NFIB: variants seen among roughly 807,000 people sequenced by gnomAD.
NFIB encodes nuclear factor I B, also known as nuclear factor 1 B-type.
A neutral mutation model predicts 61.5 loss-of-function variants in NFIB; 11 were observed. The observed-to-expected ratio is 0.18, with a 90% CI of 0.11 to 0.30. NFIB has a LOEUF of 0.30. NFIB is among the 10% of genes least tolerant of loss of function. The pLI is 1.00. For synonymous variants in NFIB, 260 were observed against 216.5 expected (o/e 1.20, Z -1.76); for missense variants, 471 against 608.9 (o/e 0.77, Z 2.38).
At chr9:14,486,101 G>A in the NFIB span, among the ~76,000 whole-genome samples, 1 of 152,168 alleles carries the variant, frequency 6.6e-6, no homozygotes, top group South Asian at 2.1e-4. Context: ...TGTCTAAATT[G>A]ATATCTTCAA....
chr9:14,406,070 G>T, the NFIB span, among the ~76,000 whole-genome samples: 1 of 152,176 alleles, frequency 6.6e-6, no homozygotes, highest in Non-Finnish European at 1.5e-5. Flanking sequence ...CTAGGAGGGT[G>T]TATTTTCCTT....
intron 1 of NFIB, among the ~76,000 whole-genome samples, chr9:14,379,187 ACT>A (rs1564043756): frequency 1.3e-5 from 2 of 152,004 alleles, no homozygotes; most frequent in African/African-American, 4.8e-5. Context: ...TCCCTTCATG[ACT>A]CTGTTTCTAA....
chr9:14,393,712 G>A (rs1417440574), intron 1 of NFIB, among the ~76,000 whole-genome samples: 2 of 152,092 alleles, frequency 1.3e-5, no homozygotes, highest in Non-Finnish European at 2.9e-5. Flanking sequence ...GAGCACTCCC[G>A]AATAGGCTTT....
the NFIB span, among the ~76,000 whole-genome samples, chr9:14,526,781 G>T: frequency 6.6e-6 from 1 of 152,116 alleles, no homozygotes; most frequent in South Asian, 2.1e-4. Context: ...ATCTCTCTTT[G>T]TTGACTAGTC....
chr9:14,439,802 TAG>T, the NFIB span, among the ~76,000 whole-genome samples: 1 of 152,054 alleles, frequency 6.6e-6, no homozygotes, highest in South Asian at 2.1e-4. Flanking sequence ...GGAAAACAAG[TAG>T]AGAGGCAAAA....
intron 2 of NFIB, among the ~76,000 whole-genome samples, chr9:14,221,480 C>G (rs944781221): frequency 6.6e-6 from 1 of 152,132 alleles, no homozygotes. Flanking sequence ...GTTAGAAAAA[C>G]TGAGGCTCAT....
chr9:14,488,354 C>A, the NFIB span, among the ~76,000 whole-genome samples: 2 of 142,900 alleles, frequency 1.4e-5, no homozygotes, highest in Non-Finnish European at 3.0e-5. Context: ...CAGAGCAAGA[C>A]CTTGTCTCAA....
the NFIB span, among the ~76,000 whole-genome samples, chr9:14,443,371 A>T: frequency 2.0e-5 from 3 of 152,162 alleles, no homozygotes; most frequent in African/African-American, 7.2e-5. Flanking sequence ...CTAATTAGCT[A>T]TCCAGCCTCT....
the NFIB span, among the ~76,000 whole-genome samples, chr9:14,449,569 A>T: frequency 6.6e-6 from 1 of 152,218 alleles, no homozygotes; most frequent in Admixed American, 6.5e-5. Flanking sequence ...ATTTGTTGAA[A>T]TGCATCATTT....
At chr9:14,158,855 C>A (rs62532512) in intron 3 of NFIB, among the ~76,000 whole-genome samples, 61,110 of 152,090 alleles carry the variant, frequency 0.4, 15,106 homozygotes, top group Non-Finnish European at 0.54. Context: ...TACAAAGTAA[C>A]AACCAAAGAA....
chr9:14,295,614 C>G (rs1215088140), intron 2 of NFIB, among the ~76,000 whole-genome samples: 9 of 148,982 alleles, frequency 6.0e-5, no homozygotes, highest in South Asian at 4.4e-4. Context: ...CTGGGCTACC[C>G]AGCCAGACTC....
chr9:14,140,825 C>G (rs571819219), intron 6 of NFIB, among the ~76,000 whole-genome samples: 8 of 152,162 alleles, frequency 5.3e-5, no homozygotes, highest in African/African-American at 1.7e-4. Context: ...TCCCAGCTAC[C>G]TGTGAAGCTG....
At chr9:14,457,712 A>G in the NFIB span, among the ~76,000 whole-genome samples, 1 of 152,190 alleles carries the variant, frequency 6.6e-6, no homozygotes, top group Non-Finnish European at 1.5e-5. Context: ...AGAAATACAA[A>G]CTACCATCAG....
At chr9:14,236,630 C>T (rs1227185518) in intron 2 of NFIB, among the ~76,000 whole-genome samples, 1 of 152,112 alleles carries the variant, frequency 6.6e-6, no homozygotes, top group African/African-American at 2.4e-5. Flanking sequence ...CACGTCATTG[C>T]TACAATTAAA....
chr9:14,314,120 G>C lies in NFIB; in HGVS notation c.-609C>G, dbSNP rs1358496809. 5.8e-6 allele frequency: 6 copies of C among 1,034,532 alleles called. No individual in the cohort carries two copies. Among genetic ancestry groups the C allele is most frequent in the Admixed American group, 5.8e-5 (1 of 17,282 alleles). The allele number at this position is 1,034,532 out of a possible 1,614,324, so 64.1% of individuals were successfully genotyped here. On this transcript the variant is annotated 5_prime_UTR_variant, in exon 1 of 11. Coordinates refer to ENST00000380953, the MANE Select transcript of NFIB (RefSeq NM_001190737.2). ...CCGCGAGCCGACCATGTGTGTGCGC[G>C]AGGGGCAGCGTGAGCGAGTGCGCGC...
chr9:14,199,018 T>C (rs894063325), intron 2 of NFIB, among the ~76,000 whole-genome samples: 5 of 152,210 alleles, frequency 3.3e-5, no homozygotes, highest in African/African-American at 1.2e-4. Context: ...AATAGAATTC[T>C]ACTCAAAACA....
At chr9:14,133,259 G>A (rs1373929499) in intron 6 of NFIB, among the ~76,000 whole-genome samples, 2 of 152,022 alleles carry the variant, frequency 1.3e-5, no homozygotes, top group Admixed American at 1.3e-4. Context: ...TCATTGCTGG[G>A]TGAAGGCAAA....
chr9:14,184,070 A>G (rs934195336), intron 2 of NFIB, among the ~76,000 whole-genome samples: 5 of 146,184 alleles, frequency 3.4e-5, no homozygotes, highest in Non-Finnish European at 6.0e-5. Context: ...AAAGCGGTCA[A>G]TCTCTCGTGG....
intron 10 of NFIB, among the ~76,000 whole-genome samples, chr9:14,106,180 T>C (rs538948801): frequency 6.6e-6 from 1 of 152,128 alleles, no homozygotes. Context: ...AGAAATTCAG[T>C]CTGTTAGAAT....
Sources: allele counts gnomAD v4.1 joint callset (sites outside exome capture counted in the v4.1 genomes callset), GRCh38; gene constraint gnomAD v4.1.1; transcripts MANE v1.5; gene names NCBI Gene and HGNC (gene_info 2026-07-23, HGNC 2026-07-21).